The following ATXN2 variants were observed in gnomAD, a reference collection of about 807,000 sequenced individuals.
The protein encoded by ATXN2 is ataxin-2.
A neutral mutation model predicts 138.6 loss-of-function variants in ATXN2; 37 were observed. The observed-to-expected ratio is 0.27, with a 90% CI of 0.21 to 0.35. The LOEUF (loss-of-function observed/expected upper bound fraction) is 0.35, where lower values mean the gene tolerates loss of function less well. Among genes scored for constraint, ATXN2 ranks in the 10% least tolerant of loss-of-function variants. ATXN2 has a pLI of 1.00. For missense variants in ATXN2, 1,216 were observed against 1,480.3 expected, an observed-to-expected ratio of 0.82 and a Z score of 2.93; for synonymous variants, 549 against 543.7, an observed-to-expected ratio of 1.01 and a Z score of -0.13.
intron 1 of ATXN2, among the ~76,000 whole-genome samples, chr12:111,571,571 G>C (rs996807142): frequency 2.0e-5 from 3 of 152,264 alleles, no homozygotes; most frequent in African/African-American, 7.2e-5. Context: ...AAGCAGTGAG[G>C]AAGGAGACCA....
intron 5 of ATXN2, among the ~76,000 whole-genome samples, chr12:111,540,698 T>G (rs1286613743): frequency 8.5e-6 from 1 of 117,278 alleles, no homozygotes; most frequent in Admixed American, 7.7e-5. Flanking sequence ...GTCTAAGTCT[T>G]TTTTTTTTTT....
chr12:111,592,038 C>T (rs1028687540), intron 1 of ATXN2, among the ~76,000 whole-genome samples: 7 of 148,996 alleles, frequency 4.7e-5, no homozygotes, highest in Admixed American at 4.7e-4. Context: ...GCTGAGATTG[C>T]ACCACTGCAC....
At chr12:111,570,321 G>C (rs1308981820) in intron 1 of ATXN2, among the ~76,000 whole-genome samples, 1 of 152,158 alleles carries the variant, frequency 6.6e-6, no homozygotes, top group African/African-American at 2.4e-5. Context: ...GAGTATAGCT[G>C]AAACAACGTT....
At chr12:111,481,048 G>T (rs188514776) in intron 18 of ATXN2, among the ~76,000 whole-genome samples, 1 of 152,158 alleles carries the variant, frequency 6.6e-6, no homozygotes, top group Non-Finnish European at 1.5e-5. Context: ...GGTGGTTCGC[G>T]TCTAAAATCT....
intron 11 of ATXN2, 141 bp downstream of exon 11, chr12:111,513,216 T>G: frequency 1.1e-6 from 1 of 915,310 alleles, no homozygotes; most frequent in Non-Finnish European, 1.6e-6. Flanking sequence ...AATAAAAATA[T>G]GGGTTTCCCA....
intron 5 of ATXN2, among the ~76,000 whole-genome samples, chr12:111,545,000 A>C (rs753922664): frequency 3.3e-5 from 5 of 152,088 alleles, no homozygotes; most frequent in East Asian, 1.9e-4. Context: ...TCTACTAAAA[A>C]TACAAAAATT....
chr12:111,558,381 T>G (rs1363620974), intron 1 of ATXN2, among the ~76,000 whole-genome samples: 1 of 152,234 alleles, frequency 6.6e-6, no homozygotes, highest in East Asian at 1.9e-4. Context: ...ATTTTAGACC[T>G]AAGTATATTT....
At chr12:111,599,419 C>T (rs1314318681), upstream of ATXN2, 4 of 1,177,418 alleles carry the variant, frequency 3.4e-6, no homozygotes, top group Non-Finnish European at 4.2e-6. Context: ...GCGCCGGCCG[C>T]TGGAGCGAGC....
intron 21 of ATXN2, among the ~76,000 whole-genome samples, chr12:111,463,037 G>A (rs1490547441): frequency 6.7e-6 from 1 of 149,862 alleles, no homozygotes; most frequent in Non-Finnish European, 1.5e-5. Flanking sequence ...CTTATTTTTG[G>A]ATACCAAGTC....
chr12:111,598,981 C>G lies in ATXN2; in HGVS notation c.54G>C (p.Gln18His), dbSNP rs764111771. ...QQQQQQQQQQ[Q>H]QQQQQQQQQQ... The stretch of plus-strand genomic sequence containing the variant: ...GCTGCTGCTGCTGCTGCTGCTGTTG[C>G]TGCTGCTGCTGCTGCTGCTGCTGCT... Residue 18 changes from glutamine (Q) to histidine (H), a missense_variant, in exon 1 of 25, where the codon CAG becomes CAC. Transcript: ENST00000673436. This position sits in a 1 kb window ranked among gnomAD's most constrained non-coding sequence, Gnocchi z 4.5. 5.3e-5 allele frequency: 66 copies of G among 1,256,230 alleles called. No homozygotes were observed. In the African/African-American group the frequency reaches 1.0e-3, roughly 19 times the overall value. The allele number at this position is 1,256,230 out of a possible 1,614,324, so 77.8% of individuals were successfully genotyped here. A position where few individuals can be genotyped will look rare whatever the true frequency, so the allele number is the denominator to read the frequency against.
intron 18 of ATXN2, among the ~76,000 whole-genome samples, chr12:111,477,765 CT>C (rs963706897): frequency 1.3e-5 from 2 of 150,886 alleles, no homozygotes; most frequent in African/African-American, 4.9e-5. Flanking sequence ...ACTTTTTTTT[CT>C]TTTTTTTGTG....
At chr12:111,512,391 G>A (rs1879588049) in intron 11 of ATXN2, 1 of 151,822 alleles carries the variant, frequency 6.6e-6, no homozygotes, top group African/African-American at 2.4e-5. Context: ...AGGACTGATT[G>A]GCAAAGTAGC....
At chr12:111,540,991 C>A (rs563041954) in intron 5 of ATXN2, among the ~76,000 whole-genome samples, 1 of 150,264 alleles carries the variant, frequency 6.7e-6, no homozygotes, top group African/African-American at 2.4e-5. Flanking sequence ...GCACCACACC[C>A]GGCCTAAATC....
chr12:111,589,801 C>T (rs901239068), intron 1 of ATXN2, among the ~76,000 whole-genome samples: 8 of 152,176 alleles, frequency 5.3e-5, no homozygotes, highest in African/African-American at 1.4e-4. Context: ...TGCCTGTGGT[C>T]CCAGCTACTC....
intron 18 of ATXN2, among the ~76,000 whole-genome samples, chr12:111,483,190 C>CACAT (rs201793760): frequency 1.7e-5 from 2 of 114,506 alleles, no homozygotes; most frequent in African/African-American, 4.4e-5. Flanking sequence ...CTGTATCAAA[C>CACAT]ACATACACAC....
intron 14 of ATXN2, among the ~76,000 whole-genome samples, chr12:111,506,295 A>T (rs1348909834): frequency 6.6e-6 from 1 of 152,186 alleles, no homozygotes; most frequent in Non-Finnish European, 1.5e-5. Flanking sequence ...ATCAACTGAG[A>T]AGACGGTTGT....
At chr12:111,576,737 A>G (rs1189770511) in intron 1 of ATXN2, among the ~76,000 whole-genome samples, 1 of 151,462 alleles carries the variant, frequency 6.6e-6, no homozygotes, top group Admixed American at 6.6e-5. Context: ...AGGCGGGCGG[A>G]TCACAAAGTC....
intron 14 of ATXN2, among the ~76,000 whole-genome samples, chr12:111,490,203 TC>T (rs1232404658): frequency 6.8e-6 from 1 of 146,238 alleles, no homozygotes; most frequent in Non-Finnish European, 1.5e-5. Context: ...CAAGACTCCA[TC>T]TAAAAATTAA....
intron 14 of ATXN2, among the ~76,000 whole-genome samples, chr12:111,500,170 A>G (rs1878668385): frequency 6.6e-6 from 1 of 152,208 alleles, no homozygotes; most frequent in African/African-American, 2.4e-5. Flanking sequence ...CATGTTTACT[A>G]CGGCACTATA....
Sources: gnomAD v4.1 joint callset for allele counts (sites outside exome capture counted in the v4.1 genomes callset) on GRCh38, gnomAD v4.1.1 for gene constraint, Gnocchi (gnomAD v3.1) non-coding constraint, MANE v1.5 for transcripts, NCBI Gene and HGNC (gene_info 2026-07-23, HGNC 2026-07-21) for gene names.